The following TDO2 variants were observed in gnomAD, a reference collection of about 807,000 sequenced individuals.
TDO2 encodes tryptamin 2,3-dioxygenase.
A neutral mutation model predicts 61.2 loss-of-function variants in TDO2; 63 were observed. That is an observed-to-expected ratio of 1.03 (90% CI 0.84 to 1.27). TDO2 has a LOEUF of 1.27. Ranked by LOEUF, TDO2 falls within the 50% of genes most tolerant of loss-of-function variation. The pLI, the probability that TDO2 is intolerant of heterozygous loss-of-function variation, is 0.00. For missense variants in TDO2, 494 were observed against 469.5 expected (o/e 1.05, Z -0.48); for synonymous variants, 183 against 164.0 (o/e 1.12, Z -0.89).
intron 3 of TDO2, chr4:155,905,890 T>C (rs553830285): frequency 6.6e-5 from 10 of 152,268 alleles, no homozygotes; most frequent in African/African-American, 2.4e-4. Context: ...TCCAATGTGA[T>C]TGAGTAAATT....
At chr4:155,907,834 G>T (rs1742745956) in intron 4 of TDO2, 42 bp downstream of exon 4, 1 of 1,463,142 alleles carries the variant, frequency 6.8e-7, no homozygotes, top group Non-Finnish European at 9.5e-7. Flanking sequence ...GTATATTTTT[G>T]GAAGATATGG....
chr4:155,913,978 T>C (rs553510249), intron 7 of TDO2, among the ~76,000 whole-genome samples: 1 of 152,238 alleles, frequency 6.6e-6, no homozygotes, highest in South Asian at 2.1e-4. Context: ...TAAGTGAAGT[T>C]ACCTTACTTC....
At chr4:155,906,975 A>G (rs1742729560) in intron 3 of TDO2, 2 of 152,220 alleles carry the variant, frequency 1.3e-5, no homozygotes, top group African/African-American at 4.8e-5. Context: ...TGCCAATGTT[A>G]CTGTTTGACA....
rs888005679 is a variant in TDO2 at position 155,903,812 on chromosome 4, T to G, written c.35+19T>G. The G allele has an allele frequency of 1.9e-6, 3 of 1,614,084 alleles. No homozygotes were observed. Among genetic ancestry groups the G allele is most frequent in the East Asian group, 2.2e-5 (1 of 44,874 alleles). The stretch of plus-strand genomic sequence containing the variant: ...ACTTTGGGTGAGTATTTACCTTTAT[T>G]CTAAGTGGGTTTTGGCTTTTAGAAG... On this transcript the variant is annotated intron_variant, in intron 1 of 11. Transcript: ENST00000536354.
intron 9 of TDO2, among the ~76,000 whole-genome samples, 172 bp downstream of exon 9, chr4:155,916,084 T>C (rs981527397): frequency 1.3e-5 from 2 of 152,084 alleles, no homozygotes; most frequent in Admixed American, 6.5e-5. Context: ...CCTTTTTTTT[T>C]CTTTTAAATA....
rs747034548 is a variant in TDO2 at position 155,903,731 on chromosome 4, C to T, written c.-28C>T. On this transcript the variant is annotated 5_prime_UTR_variant, in exon 1 of 12. Coordinates refer to ENST00000536354, the MANE Select transcript of TDO2 (RefSeq NM_005651.4). ...TAGCATCTGCCTAGAGTCAAACCTC[C>T]GTGCTTCTCAGACAGTGCCTTTTCA... The T allele has an allele frequency of 9.9e-6, 16 of 1,614,004 alleles. No homozygotes were observed. The South Asian group carries it at 1.5e-4, about 16-fold the overall frequency.
chr4:155,910,068 C>T lies in TDO2; in HGVS notation c.475C>T (p.Arg159Ter), dbSNP rs530115805. The T allele has an allele frequency of 2.5e-5, 40 of 1,585,538 alleles. No homozygotes were observed. Among genetic ancestry groups the T allele is most frequent in the Non-Finnish European group, 3.2e-5 (37 of 1,170,934 alleles). Reference sequence around the variant, plus strand: ...ATCAGGCTTCCAGAGTTTGCAATTCCGACTATTAGAAAACAAGATAGGTGT... The same window carrying T: ...ATCAGGCTTCCAGAGTTTGCAATTCTGACTATTAGAAAACAAGATAGGTGT... ...PASGFQSLQF[R>*]LLENKIGVLQ... The change falls in exon 6 of 12, where the codon CGA becomes TGA. Residue 159 changes from arginine (R) to a stop codon, truncating the protein, a stop_gained. Coordinates refer to ENST00000536354, the MANE Select transcript of TDO2 (RefSeq NM_005651.4). LOFTEE classifies it high-confidence loss of function.
chr4:155,904,183 G>A (rs1742677766), intron 2 of TDO2, 60 bp downstream of exon 2: 1 of 1,242,958 alleles, frequency 8.0e-7, no homozygotes, highest in Non-Finnish European at 1.2e-6. Flanking sequence ...ATTCTGCCAA[G>A]TGACTTTTTA....
intron 2 of TDO2, 97 bp from the exon 3 acceptor site, chr4:155,904,970 G>C (rs1742690757): frequency 6.8e-6 from 5 of 735,836 alleles, no homozygotes; most frequent in Non-Finnish European, 1.1e-5. Context: ...TTTTGAGTTT[G>C]GAGGAGCATT....
intron 11 of TDO2, 34 bp from the exon 12 acceptor site, chr4:155,919,803 C>G (rs1168955373): frequency 6.4e-7 from 1 of 1,550,834 alleles, no homozygotes; most frequent in Non-Finnish European, 8.7e-7. Flanking sequence ...TTCATGTCAA[C>G]CAATGTAACA....
chr4:155,905,059 A>T lies in TDO2; in HGVS notation c.142-8A>T. ...ATTTCAGACAGGCTTTTTATTTTTC[A>T]TTTCAAGTTGGAAAAAGTTTTGAAT... On this transcript the variant is annotated splice_polypyrimidine_tract_variant and splice_region_variant and intron_variant, in intron 2 of 11. Coordinates refer to ENST00000536354, the MANE Select transcript of TDO2 (RefSeq NM_005651.4). The T allele has an allele frequency of 6.4e-7, 1 of 1,572,070 alleles. No individual in the cohort carries two copies. Among genetic ancestry groups the T allele is most frequent in the African/African-American group, 1.4e-5 (1 of 72,630 alleles).
chr4:155,904,746 G>A (rs1742687231), intron 2 of TDO2, among the ~76,000 whole-genome samples: 1 of 152,048 alleles, frequency 6.6e-6, no homozygotes, highest in Non-Finnish European at 1.5e-5. Context: ...ATAAAAGAAT[G>A]CCAAATGCAT....
intron 7 of TDO2, among the ~76,000 whole-genome samples, chr4:155,912,114 C>T (rs1742845761): frequency 6.6e-6 from 1 of 152,170 alleles, no homozygotes; most frequent in Non-Finnish European, 1.5e-5. Flanking sequence ...AATTCTACAT[C>T]TTGAGAGGTT....
In TDO2 at chr4:155,917,185, G is replaced by A. The variant is rs570328613; in HGVS notation, c.897-210G>A. On this transcript the variant is annotated intron_variant, in intron 9 of 11. Transcript: ENST00000536354. ...CATGTATATTACATGGACTTTTCTAGGCTTCAAACAAACACTGCAAGTTGA... is the reference window on the plus strand; with the variant it reads ...CATGTATATTACATGGACTTTTCTAAGCTTCAAACAAACACTGCAAGTTGA... 5.9e-5 allele frequency among the ~76,000 whole-genome samples: 9 copies of A among 152,186 alleles called. No homozygotes were observed. The South Asian group carries it at 1.9e-3, about 32-fold the overall frequency.
chr4:155,914,221 T>C (rs1448174489), intron 7 of TDO2, 102 bp from the exon 8 acceptor site: 1 of 751,572 alleles, frequency 1.3e-6, no homozygotes, highest in Non-Finnish European at 2.1e-6. Flanking sequence ...TAAAAGTACA[T>C]CATTTCTGCA....
intron 10 of TDO2, 71 bp downstream of exon 10, chr4:155,917,545 G>C: frequency 1.5e-6 from 2 of 1,293,336 alleles, no homozygotes; most frequent in Admixed American, 2.3e-5. Flanking sequence ...TTGGTCTTCT[G>C]TGTGCCCTCC....
intron 3 of TDO2, chr4:155,906,882 A>G (rs113250081): frequency 6.6e-6 from 1 of 152,342 alleles, no homozygotes; most frequent in African/African-American, 2.4e-5. Context: ...GTTTTGCCCC[A>G]ATTGACACAG....
intron 2 of TDO2, 81 bp from the exon 3 acceptor site, chr4:155,904,986 T>C: frequency 1.1e-6 from 1 of 934,088 alleles, no homozygotes; most frequent in Non-Finnish European, 1.6e-6. Flanking sequence ...GCATTTGTCA[T>C]TATCATATTC....
chr4:155,905,262 A>G, intron 3 of TDO2, 105 bp downstream of exon 3: 1 of 852,606 alleles, frequency 1.2e-6, no homozygotes, highest in South Asian at 1.7e-5. Flanking sequence ...TCATGGAATC[A>G]CCTCTGTTAG....
Sources: allele counts gnomAD v4.1 joint callset (sites outside exome capture counted in the v4.1 genomes callset), GRCh38; gene constraint gnomAD v4.1.1; transcripts MANE v1.5; gene names NCBI Gene and HGNC (gene_info 2026-07-23, HGNC 2026-07-21).